GRIN2B: variants seen among roughly 807,000 people sequenced by gnomAD.
The protein encoded by GRIN2B is glutamate ionotropic receptor NMDA type subunit 2B.
A neutral mutation model predicts 114.5 loss-of-function variants in GRIN2B; 5 were observed. The ratio of observed to expected loss-of-function variants is 0.04; its 90% CI spans 0.02 to 0.09. The LOEUF (loss-of-function observed/expected upper bound fraction) is 0.09. Among genes scored for constraint, GRIN2B ranks in the 10% least tolerant of loss-of-function variants. The probability of loss-of-function intolerance (pLI) is 1.00; values close to 1 mark genes in which losing one functional copy is unlikely to be tolerated. For missense variants in GRIN2B, 1,108 were observed against 1,943.5 expected, an observed-to-expected ratio of 0.57 and a Z score of 8.08; for synonymous variants, 787 against 745.1, an observed-to-expected ratio of 1.06 and a Z score of -0.92.
rs758544130 is a variant in GRIN2B, at chr12:13,546,413, CCTT to C, written c.*16367_*16369del. ...AGCCATCAATGGCAGCACAGCCTCTCCTTCTGCCAGAGCTCACAGGGAATGACA... is the reference window on the plus strand; with the variant it reads ...AGCCATCAATGGCAGCACAGCCTCTCCTGCCAGAGCTCACAGGGAATGACA... On this transcript the variant is annotated 3_prime_UTR_variant, in exon 14 of 14. Coordinates refer to ENST00000609686, the MANE Select transcript of GRIN2B (RefSeq NM_000834.5). 1.3e-5 allele frequency: 2 copies of C among 152,248 alleles called. No homozygotes were observed. Among genetic ancestry groups the C allele is most frequent in the Non-Finnish European group, 2.9e-5 (2 of 68,050 alleles). The allele number at this position is 152,248 out of a possible 1,614,324, so 9.4% of individuals were successfully genotyped here.
intron 4 of GRIN2B, among the ~76,000 whole-genome samples, chr12:13,721,490 T>G (rs2136593351): frequency 6.6e-6 from 1 of 152,160 alleles, no homozygotes; most frequent in South Asian, 2.1e-4. Context: ...TAGCATGGAC[T>G]TATGTGTTGG....
intron 12 of GRIN2B, among the ~76,000 whole-genome samples, chr12:13,568,005 A>G (rs944038239): frequency 5.9e-5 from 9 of 151,980 alleles, no homozygotes; most frequent in African/African-American, 2.2e-4. Context: ...AGAGATGGGC[A>G]GAGAGATTGA....
chr12:13,762,971 T>G (rs1192261856), intron 3 of GRIN2B, among the ~76,000 whole-genome samples: 1 of 152,124 alleles, frequency 6.6e-6, no homozygotes, highest in Non-Finnish European at 1.5e-5. Context: ...TGATCACTAC[T>G]TCCTCACATA....
In GRIN2B at chr12:13,656,795, T is replaced by G. The variant is rs562933884; in HGVS notation, c.1125+18950A>C. ...GCCATAGTCAGAACACTGGAAAATC[T>G]AAAACTGTACTTAAAACTACAGATT... On this transcript the variant is annotated intron_variant, in intron 5 of 13. Coordinates refer to ENST00000609686, the MANE Select transcript of GRIN2B (RefSeq NM_000834.5). Among the ~76,000 whole-genome samples the G allele has an allele frequency of 4.6e-5, 7 of 152,328 alleles. No individual in the cohort carries two copies. In the South Asian group the frequency reaches 1.5e-3, roughly 32 times the overall value.
intron 10 of GRIN2B, among the ~76,000 whole-genome samples, chr12:13,586,498 G>A (rs1251352804): frequency 1.3e-5 from 2 of 152,238 alleles, no homozygotes; most frequent in Admixed American, 1.3e-4. Flanking sequence ...CAAAGAACAG[G>A]GCAGGCTTAA....
chr12:13,718,406 T>G (rs184236547), intron 4 of GRIN2B, among the ~76,000 whole-genome samples: 1 of 151,848 alleles, frequency 6.6e-6, no homozygotes, highest in Non-Finnish European at 1.5e-5. Flanking sequence ...TAGTTTCAAG[T>G]GCTGCGGAGG....
rs1948523216 is a variant in GRIN2B, at chr12:13,560,120, A to ATGAACATTTCTCACAAACCAGT, written c.*2641_*2662dup. 1 of 152,204 alleles carries ATGAACATTTCTCACAAACCAGT rather than the reference A, an allele frequency of 6.6e-6. No individual in the cohort carries two copies. The highest frequency in any genetic ancestry group is 1.5e-5 in the Non-Finnish European group (1 of 68,040). 9.4% of individuals were successfully genotyped at this position (152,204 alleles called of 1,614,324 possible). ...CTATGTAAAACCCTGGCCAAAGTGC[A>ATGAACATTTCTCACAAACCAGT]TGAACATTTCTCACAAACCAGTAAG... On this transcript the variant is annotated 3_prime_UTR_variant, in exon 14 of 14. Coordinates refer to ENST00000609686, the MANE Select transcript of GRIN2B (RefSeq NM_000834.5).
chr12:13,857,181 A>C (rs990582783), intron 3 of GRIN2B, among the ~76,000 whole-genome samples: 7 of 152,170 alleles, frequency 4.6e-5, no homozygotes, highest in African/African-American at 1.7e-4. Context: ...ACAAGGAGGG[A>C]GAATGAGCAT....
Position 13,538,879 on chromosome 12 carries a change from T to C in GRIN2B, c.*23904A>G, listed in dbSNP as rs1423671515. ...AACAACAGAAAAATCAGAGCCAAGA[T>C]TTCAAGTCTTGTCTTCCCCCTTTTT... On this transcript the variant is annotated 3_prime_UTR_variant, in exon 14 of 14. Transcript: ENST00000609686. The C allele has an allele frequency of 6.6e-6, 1 of 150,888 alleles. No homozygotes were observed. Among genetic ancestry groups the C allele is most frequent in the East Asian group, 1.9e-4 (1 of 5,164 alleles). 9.3% of individuals were successfully genotyped at this position (150,888 alleles called of 1,614,324 possible).
At chr12:13,623,922 G>A (rs1949543487) in intron 5 of GRIN2B, among the ~76,000 whole-genome samples, 3 of 152,148 alleles carry the variant, frequency 2.0e-5, no homozygotes, top group Admixed American at 2.0e-4. Context: ...TATACTACAT[G>A]TGACAGAGAT....
chr12:13,607,096 T>C (rs1028039989), intron 10 of GRIN2B, among the ~76,000 whole-genome samples: 10 of 141,482 alleles, frequency 7.1e-5, no homozygotes, highest in Admixed American at 5.5e-4. Flanking sequence ...CTGGCAGCCC[T>C]GTGCATTTAG....
intron 3 of GRIN2B, among the ~76,000 whole-genome samples, chr12:13,767,581 A>G: frequency 6.6e-6 from 1 of 152,196 alleles, no homozygotes; most frequent in Non-Finnish European, 1.5e-5. Flanking sequence ...ACAGCATATG[A>G]TCTGAGCTAG....
intron 10 of GRIN2B, among the ~76,000 whole-genome samples, chr12:13,595,625 CCTT>C (rs1565468006): frequency 6.6e-6 from 1 of 152,202 alleles, no homozygotes; most frequent in African/African-American, 2.4e-5. Context: ...CCACTTGATG[CCTT>C]CTCAGCCTTC....
chr12:13,664,055 A>G (rs1949951107), intron 5 of GRIN2B, among the ~76,000 whole-genome samples: 1 of 152,236 alleles, frequency 6.6e-6, no homozygotes, highest in East Asian at 1.9e-4. Context: ...ATATTTATTT[A>G]AATTTATTTA....
At chr12:13,849,014 T>C (rs991405528) in intron 3 of GRIN2B, among the ~76,000 whole-genome samples, 9 of 150,782 alleles carry the variant, frequency 6.0e-5, no homozygotes, top group Admixed American at 1.3e-4. Context: ...CAGGGCCAAA[T>C]GGGTGAAGTT....
At chr12:13,726,048 A>G (rs1862978672) in intron 4 of GRIN2B, among the ~76,000 whole-genome samples, 1 of 152,112 alleles carries the variant, frequency 6.6e-6, no homozygotes, top group South Asian at 2.1e-4. Context: ...CATCCATGAA[A>G]TTGCTAATTT....
chr12:13,564,755 C>T lies in GRIN2B; in HGVS notation c.2599-116G>A, dbSNP rs1948616136. ...GATAAGAAAAAGGGAAAGCATGAAG[C>T]GAATAGTCTAATATACTATTAGATG... On this transcript the variant is annotated intron_variant, in intron 13 of 13. Transcript: ENST00000609686. The surrounding 1 kb of genome is among the most constrained non-coding windows in gnomAD (Gnocchi z 4.8). 1.8e-5 allele frequency: 17 copies of T among 954,980 alleles called. No individual in the cohort carries two copies. Among genetic ancestry groups the T allele is most frequent in the South Asian group, 3.9e-5 (3 of 76,922 alleles). 59.2% of individuals were successfully genotyped at this position (954,980 alleles called of 1,614,324 possible). A position where few individuals can be genotyped will look rare whatever the true frequency, so the allele number is the denominator to read the frequency against.
At chr12:13,570,540 G>A (rs1341090535) in intron 11 of GRIN2B, among the ~76,000 whole-genome samples, 1 of 152,160 alleles carries the variant, frequency 6.6e-6, no homozygotes, top group Non-Finnish European at 1.5e-5. Flanking sequence ...TTGAGGTGGT[G>A]GCAGTACAGG....
In GRIN2B at chr12:13,562,819, A is replaced by G. The variant is rs1184165091; in HGVS notation, c.4419T>C (p.Val1473=). The stretch of plus-strand genomic sequence containing the variant: ...ACTCAATACTAGAAAGTTTCTCATA[A>G]ACATGCCCATTGCTGGAGCCATTGA... The part of the protein sequence containing the change: ...RAFNGSSNGH[V]YEKLSSIESD... Residue 1473 remains valine (V), a synonymous_variant, in exon 14 of 14, where the codon GTT becomes GTC. Coordinates refer to ENST00000609686, the MANE Select transcript of GRIN2B (RefSeq NM_000834.5). The G allele has an allele frequency of 6.2e-7, 1 of 1,614,128 alleles. No individual in the cohort carries two copies. Among genetic ancestry groups the G allele is most frequent in the East Asian group, 2.2e-5 (1 of 44,876 alleles).
Sources: gnomAD v4.1 joint callset for allele counts (sites outside exome capture counted in the v4.1 genomes callset) on GRCh38, gnomAD v4.1.1 for gene constraint, Gnocchi (gnomAD v3.1) non-coding constraint, MANE v1.5 for transcripts, NCBI Gene and HGNC (gene_info 2026-07-23, HGNC 2026-07-21) for gene names.